Variants in MECOM observed in about 807,000 individuals in gnomAD.
MECOM encodes the protein MDS1 and EVI1 complex locus.
In MECOM, 13 loss-of-function variants were observed where a neutral mutation model predicts 116.3. That is an observed-to-expected ratio of 0.11 (90% CI 0.07 to 0.18). MECOM has a LOEUF of 0.18. Ranked by LOEUF, MECOM falls within the 10% of genes least tolerant of loss-of-function variation. MECOM has a pLI of 1.00. For synonymous variants in MECOM, 528 were observed against 535.2 expected (o/e 0.99, Z 0.19); for missense variants, 1,299 against 1,509.0 (o/e 0.86, Z 2.31).
chr3:169,141,775 G>C (rs1055390791), intron 3 of MECOM, among the ~76,000 whole-genome samples: 2 of 151,926 alleles, frequency 1.3e-5, no homozygotes, highest in East Asian at 3.9e-4. Flanking sequence ...TTCCTCCCTT[G>C]TTGTTTATGG....
chr3:169,137,601 A>G (rs1256750779), intron 3 of MECOM, among the ~76,000 whole-genome samples: 3 of 152,132 alleles, frequency 2.0e-5, no homozygotes, highest in Non-Finnish European at 2.9e-5. Context: ...GTCTAAAGAC[A>G]AGAAAATATT....
At chr3:169,610,614 G>C (rs577031493) in intron 1 of MECOM, among the ~76,000 whole-genome samples, 73 of 152,014 alleles carry the variant, frequency 4.8e-4, no homozygotes, top group African/African-American at 1.6e-3. Context: ...AAGTATAATA[G>C]ATATTTCTGG....
chr3:169,364,691 C>T (rs1728861748), intron 2 of MECOM, among the ~76,000 whole-genome samples: 1 of 152,042 alleles, frequency 6.6e-6, no homozygotes, highest in South Asian at 2.1e-4. Flanking sequence ...AGCAGTTGCC[C>T]ATTCATCACC....
chr3:169,328,171 G>A (rs1388951979), intron 2 of MECOM, among the ~76,000 whole-genome samples: 1 of 152,194 alleles, frequency 6.6e-6, no homozygotes, highest in Non-Finnish European at 1.5e-5. Flanking sequence ...GATGAAGCAA[G>A]CCACTAAATC....
rs1366675526 is a variant in MECOM at position 169,116,135 on chromosome 3, A to G, written c.1737T>C (p.Ser579=). ...GTGTACTGACATCATCAAGGTCACT[A>G]CTCTCTGACTGGTCACTGATTTTCT... ...PFEKISDQSE[S]SDLDDVSTPS... is the part of the protein sequence containing the mutation. The change falls in exon 8 of 17, where the codon AGT becomes AGC. Residue 579 remains serine, a synonymous_variant. Transcript: ENST00000651503. 6.2e-7 allele frequency: 1 copy of G among 1,613,692 alleles called. No individual in the cohort carries two copies. Among genetic ancestry groups the G allele is most frequent in the Non-Finnish European group, 8.5e-7 (1 of 1,179,948 alleles).
chr3:169,165,602 C>T (rs2149358025), intron 2 of MECOM, among the ~76,000 whole-genome samples: 1 of 152,222 alleles, frequency 6.6e-6, no homozygotes, highest in South Asian at 2.1e-4. Context: ...CAAGGCAAAA[C>T]ACTTTATGTA....
chr3:169,156,819 A>T (rs1742068484), intron 2 of MECOM, among the ~76,000 whole-genome samples: 1 of 152,198 alleles, frequency 6.6e-6, no homozygotes, highest in Admixed American at 6.5e-5. Flanking sequence ...GCATTTCCCT[A>T]GGAGAAAGAA....
intron 2 of MECOM, among the ~76,000 whole-genome samples, chr3:169,356,806 T>C (rs1727360549): frequency 6.6e-6 from 1 of 151,920 alleles, no homozygotes; most frequent in Non-Finnish European, 1.5e-5. Flanking sequence ...GAAATGTGAA[T>C]ACCTCTGCTT....
chr3:169,645,273 T>C (rs1774022954), intron 1 of MECOM, among the ~76,000 whole-genome samples: 1 of 150,190 alleles, frequency 6.7e-6, no homozygotes, highest in South Asian at 2.1e-4. Context: ...TATCCTGCTT[T>C]TTAACATTTC....
At chr3:169,208,145 C>T (rs567035607) in intron 2 of MECOM, among the ~76,000 whole-genome samples, 1 of 151,762 alleles carries the variant, frequency 6.6e-6, no homozygotes, top group African/African-American at 2.4e-5. Context: ...TAAATCTATT[C>T]CAAAGCTCTT....
chr3:169,464,001 C>T (rs1453281715), intron 1 of MECOM: 1 of 152,094 alleles, frequency 6.6e-6, no homozygotes, highest in Admixed American at 6.6e-5. Flanking sequence ...TTCTGCAAAG[C>T]TTGCTGAGAG....
At chr3:169,114,407 G>A (rs1022821855) in intron 8 of MECOM, among the ~76,000 whole-genome samples, 2 of 152,094 alleles carry the variant, frequency 1.3e-5, no homozygotes, top group African/African-American at 4.8e-5. Flanking sequence ...AAGAAGAATT[G>A]TAAGTGAGAA....
intron 2 of MECOM, among the ~76,000 whole-genome samples, chr3:169,252,065 G>C (rs189277018): frequency 6.6e-6 from 1 of 151,958 alleles, no homozygotes; most frequent in African/African-American, 2.4e-5. Context: ...CATTTCAATC[G>C]AATCAAATGT....
intron 2 of MECOM, among the ~76,000 whole-genome samples, chr3:169,175,142 T>C (rs2149381361): frequency 6.6e-6 from 1 of 152,286 alleles, no homozygotes; most frequent in African/African-American, 2.4e-5. Context: ...ATATATAACA[T>C]GAGAATAACA....
chr3:169,190,295 C>G (rs1747341466), intron 2 of MECOM, among the ~76,000 whole-genome samples: 1 of 151,904 alleles, frequency 6.6e-6, no homozygotes, highest in Admixed American at 6.6e-5. Context: ...AGTCGGGAGT[C>G]TTTTCCAGAG....
intron 1 of MECOM, among the ~76,000 whole-genome samples, chr3:169,427,605 C>G (rs568151147): frequency 6.6e-6 from 1 of 152,298 alleles, no homozygotes; most frequent in South Asian, 2.1e-4. Context: ...AATCTCCACT[C>G]AGATGTGAGT....
At chr3:169,374,032 G>A (rs1730601211) in intron 2 of MECOM, among the ~76,000 whole-genome samples, 3 of 151,812 alleles carry the variant, frequency 2.0e-5, no homozygotes, top group Non-Finnish European at 4.4e-5. Flanking sequence ...GGGCCATTAG[G>A]ATGTAATTAA....
rs1738919180 is a variant in MECOM at position 169,143,941 on chromosome 3, TA to T, written c.376-110del. 61 of 1,277,822 alleles carry T rather than the reference TA, an allele frequency of 4.8e-5. No homozygotes were observed. The South Asian group carries it at 1.2e-3, about 26-fold the overall frequency. 79.2% of individuals were successfully genotyped at this position (1,277,822 alleles called of 1,614,324 possible). A position where few individuals can be genotyped will look rare whatever the true frequency, so the allele number is the denominator to read the frequency against. ...AATGTATATTCCTTCTTTGGATCCT[TA>T]AAAAAAGTCAGATCACAAGCACATT... On this transcript the variant is annotated intron_variant, in intron 2 of 16. Transcript: ENST00000651503.
intron 2 of MECOM, among the ~76,000 whole-genome samples, chr3:169,198,513 A>G (rs1229799135): frequency 1.3e-5 from 2 of 152,020 alleles, no homozygotes; most frequent in African/African-American, 4.8e-5. Flanking sequence ...TGGTTTAGGC[A>G]TGAAGTTCTG....
Sources: allele counts gnomAD v4.1 joint callset (sites outside exome capture counted in the v4.1 genomes callset), GRCh38; gene constraint gnomAD v4.1.1; transcripts MANE v1.5; gene names NCBI Gene and HGNC (gene_info 2026-07-23, HGNC 2026-07-21).